Variants in CADM2 observed in about 807,000 individuals in gnomAD.
CADM2 encodes cell adhesion molecule 2.
A neutral mutation model predicts 49.8 loss-of-function variants in CADM2; 12 were observed. The observed-to-expected ratio is 0.24, with a 90% CI of 0.15 to 0.39. The LOEUF (loss-of-function observed/expected upper bound fraction) is 0.39, where lower values mean the gene tolerates loss of function less well. Among genes scored for constraint, CADM2 ranks in the 10% least tolerant of loss-of-function variants. CADM2 has a pLI of 1.00. For synonymous variants in CADM2, 214 were observed against 175.4 expected, an observed-to-expected ratio of 1.22 and a Z score of -1.74; for missense variants, 378 against 492.3, an observed-to-expected ratio of 0.77 and a Z score of 2.20.
rs541041554 is a variant in CADM2 at position 85,516,243 on chromosome 3, A to C, written c.62-210279A>C. On this transcript the variant is annotated intron_variant, in intron 1 of 9. Coordinates refer to ENST00000383699, the MANE Select transcript of CADM2 (RefSeq NM_001167675.2). ...TCTTTTGTGAGCTCCTTTTACTCAG[A>C]ATAGTGTTTGGCATATTTTTAGGCT... 1.7e-3 allele frequency among the ~76,000 whole-genome samples: 257 copies of C among 152,242 alleles called. 1 individual carries two copies. Among genetic ancestry groups the C allele is most frequent in the Non-Finnish European group, 3.2e-3 (217 of 68,002 alleles).
At chr3:85,006,403 C>T (rs1468653554) in intron 1 of CADM2, among the ~76,000 whole-genome samples, 1 of 151,890 alleles carries the variant, frequency 6.6e-6, no homozygotes, top group African/African-American at 2.4e-5. Context: ...TTCCTCTTCT[C>T]CTAGCAGCAT....
At chr3:86,006,696 G>T (rs1360474305) in intron 8 of CADM2, among the ~76,000 whole-genome samples, 4 of 152,040 alleles carry the variant, frequency 2.6e-5, no homozygotes, top group Non-Finnish European at 4.4e-5. Context: ...GGACCATTCT[G>T]CTCCACAAAT....
At chr3:85,923,075 G>A (rs574673082) in intron 6 of CADM2, among the ~76,000 whole-genome samples, 1 of 151,882 alleles carries the variant, frequency 6.6e-6, no homozygotes, top group African/African-American at 2.4e-5. Context: ...CACCTGCCTC[G>A]GCCTCCCAAA....
chr3:85,600,636 A>G (rs1365336066), intron 1 of CADM2, among the ~76,000 whole-genome samples: 1 of 151,598 alleles, frequency 6.6e-6, no homozygotes, highest in African/African-American at 2.4e-5. Flanking sequence ...CGTGATTCAC[A>G]GTATGCTTTT....
At chr3:85,920,110 C>G (rs994441611) in intron 6 of CADM2, among the ~76,000 whole-genome samples, 4 of 151,836 alleles carry the variant, frequency 2.6e-5, no homozygotes, top group Non-Finnish European at 5.9e-5. Context: ...TCTTTGCTTT[C>G]ACTACCTTTC....
At chr3:85,120,695 G>T (rs1436939417) in intron 1 of CADM2, among the ~76,000 whole-genome samples, 1 of 152,050 alleles carries the variant, frequency 6.6e-6, no homozygotes, top group East Asian at 1.9e-4. Flanking sequence ...GGGGCCAGGG[G>T]AGGGATAGCC....
chr3:85,508,825 C>G (rs2040478071), intron 1 of CADM2, among the ~76,000 whole-genome samples: 2 of 101,170 alleles, frequency 2.0e-5, no homozygotes, highest in South Asian at 7.4e-4. Context: ...GAAAGGATAT[C>G]TCTGTGTGTG....
At chr3:85,797,025 C>T (rs532237655) in intron 2 of CADM2, among the ~76,000 whole-genome samples, 17 of 148,746 alleles carry the variant, frequency 1.1e-4, no homozygotes, top group African/African-American at 3.0e-4. Context: ...ACTCAGGAGG[C>T]GGAGGTTGCA....
chr3:85,598,023 A>G (rs1374043414), intron 1 of CADM2, among the ~76,000 whole-genome samples: 1 of 152,062 alleles, frequency 6.6e-6, no homozygotes, highest in African/African-American at 2.4e-5. Flanking sequence ...GCAATTTTAC[A>G]TATAGCTTTA....
At chr3:85,577,108 C>G (rs1417565380) in intron 1 of CADM2, among the ~76,000 whole-genome samples, 1 of 152,106 alleles carries the variant, frequency 6.6e-6, no homozygotes, top group Admixed American at 6.5e-5. Flanking sequence ...GAGTCTTTAT[C>G]CGTTGATTCT....
At chr3:85,723,372 G>C (rs1183647308) in intron 1 of CADM2, among the ~76,000 whole-genome samples, 1 of 152,034 alleles carries the variant, frequency 6.6e-6, no homozygotes, top group African/African-American at 2.4e-5. Context: ...CGGTCACTTG[G>C]GGTGGTGTGC....
At chr3:85,290,158 C>G (rs1024098608) in intron 1 of CADM2, among the ~76,000 whole-genome samples, 6 of 152,106 alleles carry the variant, frequency 3.9e-5, no homozygotes, top group Non-Finnish European at 5.9e-5. Context: ...AGTTCCCTTT[C>G]CGAGTCAAAG....
At chr3:85,872,782 A>C (rs979337745) in intron 3 of CADM2, among the ~76,000 whole-genome samples, 16 of 151,372 alleles carry the variant, frequency 1.1e-4, no homozygotes, top group Admixed American at 6.6e-4. Flanking sequence ...AATATGCTTA[A>C]ATTTTCCAAA....
intron 1 of CADM2, among the ~76,000 whole-genome samples, chr3:85,158,144 C>G (rs1009123248): frequency 3.3e-5 from 5 of 152,154 alleles, no homozygotes; most frequent in Non-Finnish European, 4.4e-5. Context: ...CAATGAGATA[C>G]CATCTCACAC....
intron 1 of CADM2, among the ~76,000 whole-genome samples, chr3:84,964,064 G>C (rs1242664879): frequency 6.6e-6 from 1 of 152,110 alleles, no homozygotes; most frequent in African/African-American, 2.4e-5. Context: ...TTACTTCATT[G>C]TCTTTTTCCC....
intron 1 of CADM2, among the ~76,000 whole-genome samples, chr3:85,443,243 A>G (rs1053223385): frequency 3.9e-5 from 6 of 152,182 alleles, no homozygotes; most frequent in African/African-American, 1.4e-4. Flanking sequence ...TTTAAATTAC[A>G]TGTGTCACAC....
chr3:85,276,890 A>G (rs2043368403), intron 1 of CADM2, among the ~76,000 whole-genome samples: 1 of 151,322 alleles, frequency 6.6e-6, no homozygotes, highest in Admixed American at 6.6e-5. Context: ...AAGGCAAGTT[A>G]AGGAAATATT....
At chr3:85,512,774 G>GA (rs2060801928) in intron 1 of CADM2, among the ~76,000 whole-genome samples, 1 of 133,306 alleles carries the variant, frequency 7.5e-6, no homozygotes, top group Non-Finnish European at 1.7e-5. Flanking sequence ...ACATACAACA[G>GA]AAAAAATTGA....
At chr3:85,625,873 T>C (rs2064115438) in intron 1 of CADM2, among the ~76,000 whole-genome samples, 4 of 152,068 alleles carry the variant, frequency 2.6e-5, no homozygotes, top group African/African-American at 7.2e-5. Flanking sequence ...TCAATACTTA[T>C]GTTTAAAACA....
Sources: allele counts gnomAD v4.1 joint callset (sites outside exome capture counted in the v4.1 genomes callset), GRCh38; gene constraint gnomAD v4.1.1; transcripts MANE v1.5; gene names NCBI Gene and HGNC (gene_info 2026-07-23, HGNC 2026-07-21).